Variants in PHLDB2 observed in about 807,000 individuals in gnomAD.
The protein encoded by PHLDB2 is pleckstrin homology-like domain family B member 2.
In PHLDB2, 71 loss-of-function variants were observed where a neutral mutation model predicts 123.6. The ratio of observed to expected loss-of-function variants is 0.57; its 90% CI spans 0.47 to 0.70. The LOEUF (loss-of-function observed/expected upper bound fraction) is 0.70. Ranked by LOEUF, PHLDB2 falls within the 30% of genes least tolerant of loss-of-function variation. The pLI is 0.00. For missense variants in PHLDB2, 1,446 were observed against 1,519.5 expected (o/e 0.95, Z 0.80); for synonymous variants, 547 against 541.6 (o/e 1.01, Z -0.14).
chr3:111,886,094 A>G (rs2066146588), intron 2 of PHLDB2, among the ~76,000 whole-genome samples: 1 of 152,252 alleles, frequency 6.6e-6, no homozygotes, highest in South Asian at 2.1e-4. Context: ...ATGAATGAGA[A>G]CAAACAACTG....
At chr3:111,811,826 C>T (rs6794180) in intron 1 of PHLDB2, among the ~76,000 whole-genome samples, 83,297 of 151,966 alleles carry the variant, frequency 0.55, 23,853 homozygotes, top group Middle Eastern at 0.8. Context: ...TCTAAGCACA[C>T]TGGATGATGC....
intron 1 of PHLDB2, among the ~76,000 whole-genome samples, chr3:111,877,200 T>C (rs1347768412): frequency 6.6e-6 from 1 of 152,266 alleles, no homozygotes; most frequent in Non-Finnish European, 1.5e-5. Flanking sequence ...TGTAAAAGTG[T>C]TCCTATTTCT....
chr3:111,812,217 C>T (rs1215587577), intron 1 of PHLDB2, among the ~76,000 whole-genome samples: 2 of 152,112 alleles, frequency 1.3e-5, no homozygotes, highest in Non-Finnish European at 2.9e-5. Context: ...GAACATCATC[C>T]ATATATCCAG....
At chr3:111,960,432 G>A (rs11923746) in intron 12 of PHLDB2, among the ~76,000 whole-genome samples, 9,143 of 152,242 alleles carry the variant, frequency 0.06, 880 homozygotes, top group African/African-American at 0.2. Context: ...TCCCAGAAAT[G>A]TCTGAATCTG....
intron 5 of PHLDB2, among the ~76,000 whole-genome samples, chr3:111,925,471 A>G (rs2068761580): frequency 1.3e-5 from 2 of 152,180 alleles, no homozygotes; most frequent in South Asian, 4.1e-4. Context: ...CACATCACAG[A>G]TGGAGCCACT....
intron 2 of PHLDB2, among the ~76,000 whole-genome samples, chr3:111,904,290 G>A (rs867371362): frequency 1.2e-4 from 5 of 41,152 alleles, no homozygotes; most frequent in Admixed American, 2.4e-4. Flanking sequence ...AAAAAAAAAA[G>A]GCCAAGGGTT....
chr3:111,900,249 C>CT (rs2067116619), intron 2 of PHLDB2, among the ~76,000 whole-genome samples: 1 of 152,182 alleles, frequency 6.6e-6, no homozygotes, highest in Non-Finnish European at 1.5e-5. Flanking sequence ...GAAGAATCAC[C>CT]TTTAATTTCC....
intron 5 of PHLDB2, among the ~76,000 whole-genome samples, chr3:111,925,954 G>T (rs1213715218): frequency 6.6e-6 from 1 of 152,192 alleles, no homozygotes; most frequent in African/African-American, 2.4e-5. Context: ...AAATAAAATG[G>T]TTAAGAAAAG....
rs549042304 is a variant in PHLDB2, at chr3:111,896,115, A to G, written c.1335+10703A>G. On this transcript the variant is annotated intron_variant, in intron 2 of 17. Transcript: ENST00000431670. ...TTACAGGTGCATGCCACAATGCCCA[A>G]CTAATTTTTGTATTTTTAGTAGACA... 3.9e-5 allele frequency among the ~76,000 whole-genome samples: 6 copies of G among 151,978 alleles called. No homozygotes were observed. The South Asian group carries it at 1.2e-3, about 32-fold the overall frequency.
At chr3:111,959,515 C>T (rs983168347) in intron 12 of PHLDB2, among the ~76,000 whole-genome samples, 4 of 152,330 alleles carry the variant, frequency 2.6e-5, no homozygotes, top group South Asian at 4.1e-4. Flanking sequence ...GCTTATCCTA[C>T]CACCAGAATG....
chr3:111,959,926 A>T (rs2071292760), intron 12 of PHLDB2, among the ~76,000 whole-genome samples: 1 of 152,180 alleles, frequency 6.6e-6, no homozygotes, highest in Non-Finnish European at 1.5e-5. Context: ...TGCCAGAGAG[A>T]TAATTCTTGT....
chr3:111,945,334 G>A lies in PHLDB2; in HGVS notation c.2464G>A (p.Val822Ile), dbSNP rs1374135138. 15 of 1,606,566 alleles carry A rather than the reference G, an allele frequency of 9.3e-6. No homozygotes were observed. The highest frequency in any genetic ancestry group is 5.5e-5 in the South Asian group (5 of 90,622). ...SSLSGGKGFPVNPNTLKEGYI... is the reference protein window; with the variant it reads ...SSLSGGKGFPINPNTLKEGYI... ...CCTCTCTGGGGGGAAAGGGTTTCCC[G>A]TTAACCCCAATACTTTAAAAGAGGT... The change falls in exon 9 of 18, where the codon GTT becomes ATT. Residue 822 changes from valine (V) to isoleucine (I), a missense_variant. By Grantham distance (29) the Val-to-Ile change is conservative. This residue lies in a region of PHLDB2 where 594 missense variants were observed against 646.0 expected (regional missense o/e 0.92). Coordinates refer to ENST00000431670, the MANE Select transcript of PHLDB2 (RefSeq NM_001134438.2).
intron 1 of PHLDB2, among the ~76,000 whole-genome samples, chr3:111,795,748 G>A (rs2061127882): frequency 6.6e-6 from 1 of 152,032 alleles, no homozygotes; most frequent in East Asian, 1.9e-4. Context: ...TTTTTGAGAC[G>A]GAGTCTTGCT....
At chr3:111,887,619 C>T (rs914584000) in intron 2 of PHLDB2, among the ~76,000 whole-genome samples, 1 of 152,036 alleles carries the variant, frequency 6.6e-6, no homozygotes, top group Non-Finnish European at 1.5e-5. Flanking sequence ...GGTTTTCCCC[C>T]TGAAAAAATA....
intron 1 of PHLDB2, among the ~76,000 whole-genome samples, chr3:111,861,716 T>C (rs967001492): frequency 6.6e-5 from 10 of 152,232 alleles, no homozygotes; most frequent in Non-Finnish European, 1.5e-4. Flanking sequence ...GTTCAATAAC[T>C]GTGACCAAGC....
chr3:111,971,714 C>T (rs544532091), intron 16 of PHLDB2, among the ~76,000 whole-genome samples: 3 of 152,230 alleles, frequency 2.0e-5, no homozygotes, highest in South Asian at 2.1e-4. Context: ...TCGCAATTTA[C>T]GCTGTACTTA....
intron 2 of PHLDB2, among the ~76,000 whole-genome samples, chr3:111,892,111 T>TA (rs1162431472): frequency 1.3e-5 from 2 of 152,258 alleles, no homozygotes; most frequent in African/African-American, 4.8e-5. Context: ...TGTAATGTGA[T>TA]ACCAGCTCTC....
chr3:111,860,311 C>T (rs1362053953), intron 1 of PHLDB2, among the ~76,000 whole-genome samples: 1 of 152,176 alleles, frequency 6.6e-6, no homozygotes, highest in Non-Finnish European at 1.5e-5. Context: ...AGTGAACCTA[C>T]GAGCTTTAAC....
intron 5 of PHLDB2, among the ~76,000 whole-genome samples, chr3:111,928,809 A>G (rs1309213656): frequency 1.3e-5 from 2 of 152,232 alleles, no homozygotes; most frequent in African/African-American, 4.8e-5. Flanking sequence ...GTACATCAAG[A>G]GAAGACAAGT....
Sources: allele counts gnomAD v4.1 joint callset (sites outside exome capture counted in the v4.1 genomes callset), GRCh38; gene constraint gnomAD v4.1.1; regional missense constraint gnomAD v4.1.1; transcripts MANE v1.5; gene names NCBI Gene and HGNC (gene_info 2026-07-23, HGNC 2026-07-21).